SIDT1: variants seen among roughly 807,000 people sequenced by gnomAD.
SIDT1 encodes the protein SID1 transmembrane family, member 1.
In SIDT1, 101 loss-of-function variants were observed where a neutral mutation model predicts 107.5. That is an observed-to-expected ratio of 0.94 (90% confidence interval 0.80 to 1.11). The LOEUF is 1.11. Among genes scored for constraint, SIDT1 ranks in the 50% least tolerant of loss-of-function variants. The pLI is 0.00. For synonymous variants in SIDT1, 395 were observed against 398.2 expected (o/e 0.99, Z 0.10); for missense variants, 1,076 against 1,058.2 (o/e 1.02, Z -0.23).
At chr3:113,546,280 A>G (rs1939577136) in intron 1 of SIDT1, among the ~76,000 whole-genome samples, 1 of 152,242 alleles carries the variant, frequency 6.6e-6, no homozygotes, top group East Asian at 1.9e-4. Context: ...ACTATAGACA[A>G]GTAGAATAAG....
chr3:113,567,055 A>G (rs952769214), intron 2 of SIDT1, among the ~76,000 whole-genome samples: 2 of 152,234 alleles, frequency 1.3e-5, no homozygotes, highest in Non-Finnish European at 2.9e-5. Flanking sequence ...CTAATAAAAA[A>G]AACTTGGAAG....
At chr3:113,631,108 TA>T (rs1947090609), downstream of SIDT1, among the ~76,000 whole-genome samples, 1 of 152,148 alleles carries the variant, frequency 6.6e-6, no homozygotes. Flanking sequence ...CTTCCAAAGC[TA>T]GGGCCAAGTG....
chr3:113,612,240 A>G, intron 19 of SIDT1, 46 bp downstream of exon 19: 1 of 1,359,136 alleles, frequency 7.4e-7, no homozygotes. Context: ...ATCAACTTTA[A>G]TGAAAAAGCA....
intron 9 of SIDT1, among the ~76,000 whole-genome samples, chr3:113,588,397 A>C (rs988597274): frequency 2.0e-5 from 3 of 152,190 alleles, no homozygotes; most frequent in Non-Finnish European, 4.4e-5. Context: ...TTCTGTAAAA[A>C]CCATATGAAG....
chr3:113,635,324 T>C, the SIDT1 span, among the ~76,000 whole-genome samples: 1 of 152,170 alleles, frequency 6.6e-6, no homozygotes, highest in African/African-American at 2.4e-5. Context: ...AGCAAGATCC[T>C]GTCTCTACAA....
chr3:113,610,187 T>C (rs1473217980), intron 17 of SIDT1, among the ~76,000 whole-genome samples: 1 of 152,252 alleles, frequency 6.6e-6, no homozygotes, highest in African/African-American at 2.4e-5. Flanking sequence ...TTTGCTATTA[T>C]AGATAACACT....
intron 17 of SIDT1, among the ~76,000 whole-genome samples, chr3:113,609,688 T>C (rs1560120936): frequency 6.6e-6 from 1 of 152,264 alleles, no homozygotes. Flanking sequence ...CTCTGGCTTC[T>C]GGTGTTAACT....
At chr3:113,563,867 G>T (rs1941661994) in intron 1 of SIDT1, among the ~76,000 whole-genome samples, 2 of 152,192 alleles carry the variant, frequency 1.3e-5, no homozygotes, top group Admixed American at 1.3e-4. Flanking sequence ...AAAAGAGAAG[G>T]CTTCGTGACT....
At chr3:113,563,323 T>C (rs1941603343) in intron 1 of SIDT1, among the ~76,000 whole-genome samples, 1 of 149,470 alleles carries the variant, frequency 6.7e-6, no homozygotes. Context: ...GAGTATTGAT[T>C]GCAAACGGAT....
Position 113,606,221 on chromosome 3 carries a change from T to C in SIDT1, c.1405-820T>C, listed in dbSNP as rs151261675. 5.7e-3 allele frequency among the ~76,000 whole-genome samples: 874 copies of C among 152,274 alleles called. 6 individuals carry two copies. Among genetic ancestry groups the C allele is most frequent in the African/African-American group, 0.019 (772 of 41,558 alleles). On this transcript the variant is annotated intron_variant, in intron 14 of 24. Transcript: ENST00000264852. ...TACACAGTAGAAAGCCCATTTACAA[T>C]AGCAAAAAGCTGAAGTTGCTTCTAA...
intron 20 of SIDT1, among the ~76,000 whole-genome samples, chr3:113,618,043 A>AG (rs1226437700): frequency 1.3e-5 from 2 of 152,244 alleles, no homozygotes; most frequent in Non-Finnish European, 2.9e-5. Flanking sequence ...CATACAAGAC[A>AG]GTTCCACTGC....
At chr3:113,564,754 T>C (rs531221123) in intron 1 of SIDT1, among the ~76,000 whole-genome samples, 1 of 152,004 alleles carries the variant, frequency 6.6e-6, no homozygotes, top group Non-Finnish European at 1.5e-5. Context: ...ACGCTTTGAG[T>C]GTGAGGTGCC....
intron 14 of SIDT1, 126 bp from the exon 15 acceptor site, chr3:113,606,915 A>G: frequency 1.5e-6 from 1 of 672,978 alleles, no homozygotes; most frequent in Non-Finnish European, 2.8e-6. Context: ...TGTGCAGAGG[A>G]GCACTGGTTA....
Position 113,584,739 on chromosome 3 carries a change from C to T in SIDT1, c.877C>T (p.Leu293Phe), listed in dbSNP as rs1245470824. ...QTWNLQRKKN[L>F]EVTIVPSIKE... ...CTGGAATCTACAGCGAAAAAAGAAC[C>T]TTGAAGTGACCATTGTCCCTTCCAT... The change falls in exon 8 of 25, where the codon CTT becomes TTT. Residue 293 changes from leucine (L) to phenylalanine (F), a missense_variant. Physicochemically the swap from Leu to Phe is conservative, Grantham distance 22. Transcript: ENST00000264852. 6.2e-7 allele frequency: 1 copy of T among 1,600,038 alleles called. No homozygotes were observed. Among genetic ancestry groups the T allele is most frequent in the Non-Finnish European group, 8.5e-7 (1 of 1,176,136 alleles).
At chr3:113,636,987 CAA>C in the SIDT1 span, among the ~76,000 whole-genome samples, 1,559 of 152,220 alleles carry the variant, frequency 0.01, 11 homozygotes, top group Non-Finnish European at 0.019. Flanking sequence ...GAATGAGAAG[CAA>C]AAAGACACAA....
chr3:113,606,942 CAG>C (rs1945376769), intron 14 of SIDT1, 97 bp from the exon 15 acceptor site: 1 of 753,016 alleles, frequency 1.3e-6, no homozygotes, highest in East Asian at 2.5e-5. Flanking sequence ...AAACTAGTGA[CAG>C]TGCATCTCCG....
intron 1 of SIDT1, among the ~76,000 whole-genome samples, chr3:113,564,851 T>C (rs570792012): frequency 1.3e-5 from 2 of 152,278 alleles, no homozygotes; most frequent in East Asian, 1.9e-4. Flanking sequence ...TGGAAACATG[T>C]AGAGTGTAGG....
chr3:113,623,677 G>T lies in SIDT1; in HGVS notation c.2251G>T (p.Ala751Ser), dbSNP rs1468539384. Residue 751 changes from alanine to serine, a missense_variant, in exon 23 of 25, where the codon GCT (alanine) becomes TCT (serine). By Grantham distance (99) the Ala-to-Ser change is moderately conservative (BLOSUM62 1). Coordinates refer to ENST00000264852, the MANE Select transcript of SIDT1 (RefSeq NM_017699.3). Reference protein sequence around the residue: ...PVPLFCIVATAVMWAAALYFF... With the variant: ...PVPLFCIVATSVMWAAALYFF... Reference sequence around the variant, plus strand: ...CCCGCTCTTCTGCATCGTGGCCACCGCTGTGATGTGGGCTGCCGCCCTATA... The same window carrying T: ...CCCGCTCTTCTGCATCGTGGCCACCTCTGTGATGTGGGCTGCCGCCCTATA... 1 of 1,614,076 alleles carries T rather than the reference G, an allele frequency of 6.2e-7. No individual in the cohort carries two copies. Among genetic ancestry groups the T allele is most frequent in the South Asian group, 1.1e-5 (1 of 91,090 alleles).
chr3:113,620,238 T>G (rs1368406357), intron 21 of SIDT1, among the ~76,000 whole-genome samples: 1 of 147,774 alleles, frequency 6.8e-6, no homozygotes, highest in Non-Finnish European at 1.5e-5. Flanking sequence ...GTCCCTCTTT[T>G]ATTTCTTTCC....
Sources: gnomAD v4.1 joint callset for allele counts (sites outside exome capture counted in the v4.1 genomes callset) on GRCh38, gnomAD v4.1.1 for gene constraint, MANE v1.5 for transcripts, NCBI Gene and HGNC (gene_info 2026-07-23, HGNC 2026-07-21) for gene names.